Variants in FAM81A observed in about 807,000 individuals in gnomAD.
FAM81A encodes protein FAM81A.
A neutral mutation model predicts 46.7 loss-of-function variants in FAM81A; 19 were observed. The observed-to-expected ratio is 0.41, with a 90% CI of 0.28 to 0.60. The LOEUF is 0.60. Among genes scored for constraint, FAM81A ranks in the 20% least tolerant of loss-of-function variants. FAM81A has a pLI of 0.34. For synonymous variants in FAM81A, 183 were observed against 152.9 expected (o/e 1.20, Z -1.45); for missense variants, 377 against 453.5 (o/e 0.83, Z 1.53).
intron 2 of FAM81A, among the ~76,000 whole-genome samples, chr15:59,412,854 G>T (rs1212027553): frequency 1.3e-5 from 2 of 152,148 alleles, no homozygotes; most frequent in Non-Finnish European, 2.9e-5. Flanking sequence ...GCCTTTCTGG[G>T]CTTTCCTCTG....
chr15:59,447,166 C>T (rs186167830), intron 1 of FAM81A, among the ~76,000 whole-genome samples: 3 of 152,296 alleles, frequency 2.0e-5, no homozygotes, highest in African/African-American at 7.2e-5. Flanking sequence ...ACTTCTAGTC[C>T]TAGAATCCTT....
At chr15:59,409,417 C>A (rs1281436571) in intron 2 of FAM81A, among the ~76,000 whole-genome samples, 1 of 152,176 alleles carries the variant, frequency 6.6e-6, no homozygotes, top group Non-Finnish European at 1.5e-5. Flanking sequence ...AACAATACCC[C>A]CTACTTCATG....
intron 3 of FAM81A, among the ~76,000 whole-genome samples, chr15:59,488,376 C>T (rs1453328071): frequency 2.0e-5 from 3 of 152,138 alleles, no homozygotes; most frequent in Admixed American, 6.6e-5. Flanking sequence ...AGGATGCCCA[C>T]TTTTACTGCT....
chr15:59,429,261 A>T (rs777147979), intron 2 of FAM81A, among the ~76,000 whole-genome samples: 2 of 152,146 alleles, frequency 1.3e-5, no homozygotes, highest in Non-Finnish European at 2.9e-5. Context: ...TTTCAAAGTC[A>T]GTTGTCTTGG....
chr15:59,520,832 G>A (rs921552123), intron 8 of FAM81A, among the ~76,000 whole-genome samples: 12 of 152,154 alleles, frequency 7.9e-5, no homozygotes, highest in Admixed American at 2.0e-4. Context: ...CCAAAGTGCT[G>A]GGATTACTGG....
At chr15:59,476,624 A>G (rs1165248973) in intron 3 of FAM81A, among the ~76,000 whole-genome samples, 1 of 151,998 alleles carries the variant, frequency 6.6e-6, no homozygotes, top group East Asian at 1.9e-4. Flanking sequence ...CATCTCTCCT[A>G]AAAATATATA....
At chr15:59,442,639 A>G (rs2081312152) in intron 1 of FAM81A, among the ~76,000 whole-genome samples, 1 of 150,512 alleles carries the variant, frequency 6.6e-6, no homozygotes, top group Admixed American at 6.7e-5. Context: ...AAAAAAAAAA[A>G]AGAAAAGAAA....
chr15:59,421,131 T>C (rs2081169098), intron 2 of FAM81A, among the ~76,000 whole-genome samples: 1 of 152,226 alleles, frequency 6.6e-6, no homozygotes, highest in African/African-American at 2.4e-5. Flanking sequence ...CTTGTTAAAA[T>C]GCAGATTCTG....
At chr15:59,463,145 A>G (rs1176805891) in intron 3 of FAM81A, among the ~76,000 whole-genome samples, 2 of 152,164 alleles carry the variant, frequency 1.3e-5, no homozygotes, top group Admixed American at 1.3e-4. Context: ...TTCTCAGTTT[A>G]TACACTTAGG....
chr15:59,430,254 C>CTTTTTT (rs5812977), intron 2 of FAM81A, among the ~76,000 whole-genome samples: 8 of 87,462 alleles, frequency 9.1e-5, no homozygotes, highest in Admixed American at 1.4e-4. Context: ...ACCTATTTCC[C>CTTTTTT]TTTTTTTTTT....
At chr15:59,459,805 C>T in intron 2 of FAM81A, 128 bp from the exon 3 acceptor site, 1 of 1,328,700 alleles carries the variant, frequency 7.5e-7, no homozygotes, top group Non-Finnish European at 9.9e-7. Context: ...GGCAGAAATC[C>T]TGCCTCAAAC....
chr15:59,439,569 T>A lies in FAM81A; in HGVS notation c.-78+1287T>A, dbSNP rs938906085. ...CACAGGTACCCCTGGTTGCCCCTTC[T>A]GACTTTCTACTTAAAGCTACCCTTG... On this transcript the variant is annotated intron_variant, in intron 1 of 8. Transcript: ENST00000288228. Among the ~76,000 whole-genome samples the A allele has an allele frequency of 2.6e-5, 4 of 152,216 alleles. 1 individual carries two copies. Among genetic ancestry groups the A allele is most frequent in the African/African-American group, 9.6e-5 (4 of 41,452 alleles).
intron 3 of FAM81A, among the ~76,000 whole-genome samples, chr15:59,465,139 T>A (rs1291663757): frequency 6.6e-6 from 1 of 152,208 alleles, no homozygotes; most frequent in African/African-American, 2.4e-5. Flanking sequence ...GTGGATTAAT[T>A]TCTAGGTTCT....
intron 2 of FAM81A, among the ~76,000 whole-genome samples, chr15:59,418,182 C>T (rs1335547965): frequency 2.0e-5 from 3 of 152,122 alleles, no homozygotes; most frequent in East Asian, 1.9e-4. Context: ...AGCACAAATA[C>T]GGTAGCATTC....
At chr15:59,456,303 C>T (rs1341032808) in intron 1 of FAM81A, among the ~76,000 whole-genome samples, 1 of 151,928 alleles carries the variant, frequency 6.6e-6, no homozygotes, top group Non-Finnish European at 1.5e-5. Flanking sequence ...CGGGGGTTCC[C>T]GGTGACTGGA....
intron 1 of FAM81A, among the ~76,000 whole-genome samples, chr15:59,448,858 C>T (rs1378238763): frequency 6.6e-6 from 1 of 151,982 alleles, no homozygotes; most frequent in Non-Finnish European, 1.5e-5. Flanking sequence ...GAGACGGGGG[C>T]ATTGCTATGT....
At chr15:59,439,025 T>C (rs1289035950) in intron 1 of FAM81A, 3 of 152,126 alleles carry the variant, frequency 2.0e-5, no homozygotes, top group African/African-American at 7.2e-5. Context: ...TTTGAACAGG[T>C]AAAATCAAAA....
At chr15:59,434,952 A>G (rs1596468796), upstream of FAM81A, among the ~76,000 whole-genome samples, 3 of 152,330 alleles carry the variant, frequency 2.0e-5, no homozygotes, top group East Asian at 3.9e-4. Flanking sequence ...ATGGCAGTGC[A>G]GAGACAAAAG....
intron 1 of FAM81A, among the ~76,000 whole-genome samples, chr15:59,440,949 T>C (rs2081291112): frequency 6.6e-6 from 1 of 152,178 alleles, no homozygotes; most frequent in Non-Finnish European, 1.5e-5. Context: ...CACAAAGACC[T>C]TTGGACAGGT....
Sources: allele counts gnomAD v4.1 joint callset (sites outside exome capture counted in the v4.1 genomes callset), GRCh38; gene constraint gnomAD v4.1.1; transcripts MANE v1.5; gene names NCBI Gene and HGNC (gene_info 2026-07-23, HGNC 2026-07-21).